The following CNTN3 variants were observed in gnomAD, a reference collection of about 807,000 sequenced individuals.
CNTN3 encodes contactin 3.
CNTN3 carries 60 observed loss-of-function variants against 119.1 expected under a neutral mutation model. The observed-to-expected ratio is 0.50, with a 90% CI of 0.41 to 0.62. The LOEUF is 0.62. Ranked by LOEUF, CNTN3 falls within the 20% of genes least tolerant of loss-of-function variation. The pLI is 0.00. For missense variants in CNTN3, 1,101 were observed against 1,242.4 expected (o/e 0.89, Z 1.71); for synonymous variants, 450 against 438.7 (o/e 1.03, Z -0.32).
rs758657515 is a variant in CNTN3, at chr3:74,361,982, G to T, written c.1272C>A (p.Gly424=). 1.5e-5 allele frequency: 24 copies of T among 1,613,668 alleles called. No individual in the cohort carries two copies. The highest frequency in any genetic ancestry group is 1.9e-5 in the Non-Finnish European group (23 of 1,179,788). Residue 424 remains glycine, a synonymous_variant, in exon 11 of 23, where the codon GGC becomes GGA. Coordinates refer to ENST00000263665, the MANE Select transcript of CNTN3 (RefSeq NM_020872.3). ...PMKKLVQVQV[G]SLVSLDCKPR... ...GTTTACAATCCAAGCTGACCAGGCT[G>T]CCCACCTGCACCTGAACCAACTTCT...
chr3:74,474,155 G>A (rs965279986), intron 4 of CNTN3, among the ~76,000 whole-genome samples: 1 of 152,152 alleles, frequency 6.6e-6, no homozygotes, highest in Non-Finnish European at 1.5e-5. Flanking sequence ...GTACTGGTGG[G>A]AAGAGTGAGC....
At chr3:74,509,101 T>C (rs1175699307) in intron 2 of CNTN3, among the ~76,000 whole-genome samples, 3 of 152,140 alleles carry the variant, frequency 2.0e-5, no homozygotes, top group Non-Finnish European at 4.4e-5. Flanking sequence ...TTCAGAAGCA[T>C]TGTTTCTTAG....
rs568713410 is a variant in CNTN3, at chr3:74,398,234, A to C, written c.454+26611T>G. 6.6e-5 allele frequency among the ~76,000 whole-genome samples: 10 copies of C among 152,336 alleles called. No homozygotes were observed. In the South Asian group the frequency reaches 2.1e-3, roughly 32 times the overall value. On this transcript the variant is annotated intron_variant, in intron 5 of 22. Transcript: ENST00000263665. ...TGGATAAATCTTTTGTGAAAGGAAG[A>C]GTCAATTGATGTGGCACACTTCACT...
At chr3:74,469,293 G>A (rs1184173847) in intron 4 of CNTN3, among the ~76,000 whole-genome samples, 1 of 152,100 alleles carries the variant, frequency 6.6e-6, no homozygotes, top group Non-Finnish European at 1.5e-5. Flanking sequence ...GATTAGTAGA[G>A]TATGTCATTT....
chr3:74,471,370 C>A lies in CNTN3; in HGVS notation c.358+15086G>T, dbSNP rs77025550. On this transcript the variant is annotated intron_variant, in intron 4 of 22. Coordinates refer to ENST00000263665, the MANE Select transcript of CNTN3 (RefSeq NM_020872.3). ...AAAAAAAAGAAAAATACTCCACATT[C>A]CCCACATGCCATCCATTACTGCATT... Among the ~76,000 whole-genome samples the A allele has an allele frequency of 5.9e-5, 9 of 152,126 alleles. No individual in the cohort carries two copies. In the East Asian group the frequency reaches 9.6e-4, roughly 16 times the overall value.
chr3:74,405,334 T>C (rs1046143935), intron 5 of CNTN3, among the ~76,000 whole-genome samples: 3 of 150,572 alleles, frequency 2.0e-5, no homozygotes, highest in African/African-American at 7.5e-5. Flanking sequence ...TGCAGATACG[T>C]ATATACATAC....
intron 5 of CNTN3, among the ~76,000 whole-genome samples, chr3:74,386,814 T>C (rs1047898943): frequency 5.9e-5 from 9 of 152,206 alleles, no homozygotes; most frequent in African/African-American, 2.2e-4. Flanking sequence ...AATAAATGTT[T>C]GTGGTTAGTG....
chr3:74,395,956 G>A (rs548216793), intron 5 of CNTN3, among the ~76,000 whole-genome samples: 1 of 152,056 alleles, frequency 6.6e-6, no homozygotes, highest in Non-Finnish European at 1.5e-5. Flanking sequence ...TGTTACTATT[G>A]TAATTTTTGG....
intron 1 of CNTN3, among the ~76,000 whole-genome samples, chr3:74,554,053 C>T (rs1704033326): frequency 6.6e-6 from 1 of 152,098 alleles, no homozygotes. Flanking sequence ...GGTCCTAGGT[C>T]TTACATTTAA....
intron 3 of CNTN3, among the ~76,000 whole-genome samples, chr3:74,498,737 T>G (rs1469044628): frequency 6.6e-6 from 1 of 151,860 alleles, no homozygotes; most frequent in African/African-American, 2.4e-5. Context: ...TGGCTGAAGT[T>G]TGCTTGTTCT....
intron 13 of CNTN3, among the ~76,000 whole-genome samples, chr3:74,311,742 C>CTT (rs1702689245): frequency 6.6e-6 from 1 of 152,180 alleles, no homozygotes; most frequent in Admixed American, 6.5e-5. Context: ...TAGAAGATGT[C>CTT]ACTCTCTCCT....
At position 74,422,140 on chromosome 3, in the gene CNTN3, T is replaced by C. The variant is rs113224853; in HGVS notation, c.454+2705A>G. Among the ~76,000 whole-genome samples the C allele has an allele frequency of 4.0e-3, 609 of 152,316 alleles. 1 individual carries two copies. The highest frequency in any genetic ancestry group is 0.013 in the African/African-American group (553 of 41,584). Reference sequence around the variant, plus strand: ...TCTTGGGTGCAGACGAACACCAACATAGGCCTGCCCTCAAGAAGCTCATAA... The same window carrying C: ...TCTTGGGTGCAGACGAACACCAACACAGGCCTGCCCTCAAGAAGCTCATAA... On this transcript the variant is annotated intron_variant, in intron 5 of 22. Transcript: ENST00000263665.
intron 5 of CNTN3, among the ~76,000 whole-genome samples, chr3:74,387,424 T>C (rs1168210969): frequency 1.3e-5 from 2 of 152,204 alleles, no homozygotes; most frequent in Admixed American, 1.3e-4. Flanking sequence ...CTCCCTTGAA[T>C]AGAAAGTTAA....
chr3:74,266,608 C>G lies in CNTN3; in HGVS notation c.2859G>C (p.Leu953=), dbSNP rs750363912. The G allele has an allele frequency of 1.2e-6, 2 of 1,613,324 alleles. No individual in the cohort carries two copies. Among genetic ancestry groups the G allele is most frequent in the African/African-American group, 2.7e-5 (2 of 74,866 alleles). Reference sequence around the variant, plus strand: ...GTTCAGCTGAAGTTTTATTTGTGTTCAGTACTTGTACGTTATTTTGACTGC... The same window carrying G: ...GTTCAGCTGAAGTTTTATTTGTGTTGAGTACTTGTACGTTATTTTGACTGC... ...RTSSQNNVQV[L]NTNKTSAELV... Residue 953 remains leucine, a synonymous_variant, in exon 22 of 23, where the codon CTG becomes CTC. Transcript: ENST00000263665.
chr3:74,543,996 A>G (rs1703878687), intron 1 of CNTN3, among the ~76,000 whole-genome samples: 1 of 152,244 alleles, frequency 6.6e-6, no homozygotes, highest in Non-Finnish European at 1.5e-5. Flanking sequence ...ATCATATTTG[A>G]ATGACAAGTT....
At chr3:74,403,747 T>G (rs974004842) in intron 5 of CNTN3, among the ~76,000 whole-genome samples, 1 of 152,144 alleles carries the variant, frequency 6.6e-6, no homozygotes, top group African/African-American at 2.4e-5. Flanking sequence ...TATTGGGCCT[T>G]TAGAAATATT....
chr3:74,328,511 T>TA (rs1247585151), intron 13 of CNTN3, among the ~76,000 whole-genome samples: 1 of 152,204 alleles, frequency 6.6e-6, no homozygotes, highest in Non-Finnish European at 1.5e-5. Context: ...TTATGGGCTT[T>TA]AGTACAAGAA....
chr3:74,473,567 A>T (rs7624957), intron 4 of CNTN3, among the ~76,000 whole-genome samples: 20,363 of 152,232 alleles, frequency 0.13, 1,693 homozygotes, highest in East Asian at 0.45. Context: ...TTTATTGAAC[A>T]AATATTGAAT....
chr3:74,406,448 C>T (rs1429762067), intron 5 of CNTN3, among the ~76,000 whole-genome samples: 4 of 151,760 alleles, frequency 2.6e-5, no homozygotes, highest in Admixed American at 6.6e-5. Context: ...TATGATTTTA[C>T]CTTTGTTATT....
Sources: gnomAD v4.1 joint callset for allele counts (sites outside exome capture counted in the v4.1 genomes callset) on GRCh38, gnomAD v4.1.1 for gene constraint, MANE v1.5 for transcripts, NCBI Gene and HGNC (gene_info 2026-07-23, HGNC 2026-07-21) for gene names.